Variants in REDIC1 observed in about 807,000 individuals in gnomAD.
REDIC1 encodes the protein HEI10 Interacting Protein 1.
chr12:39,731,158 A>C, the REDIC1 span, among the ~76,000 whole-genome samples: 1 of 152,128 alleles, frequency 6.6e-6, no homozygotes, highest in Non-Finnish European at 1.5e-5. Context: ...ACTTCTGTCA[A>C]TTCATCAAAC....
chr12:39,764,562 C>A, the REDIC1 span: 1 of 1,610,878 alleles, frequency 6.2e-7, no homozygotes. Flanking sequence ...GTACTTCTTG[C>A]CCAAAGGGGA....
the REDIC1 span, among the ~76,000 whole-genome samples, chr12:39,762,362 C>T: frequency 1.5e-5 from 2 of 133,836 alleles, no homozygotes; most frequent in Non-Finnish European, 3.3e-5. Flanking sequence ...CTTATTAGAG[C>T]CCTACATTAA....
chr12:39,717,522 G>T, the REDIC1 span, among the ~76,000 whole-genome samples: 9 of 151,958 alleles, frequency 5.9e-5, no homozygotes, highest in Non-Finnish European at 1.2e-4. Flanking sequence ...GAAGGGAGAG[G>T]CAGAGTTGGT....
At chr12:39,732,077 T>C in the REDIC1 span, among the ~76,000 whole-genome samples, 8 of 152,288 alleles carry the variant, frequency 5.3e-5, no homozygotes, top group Admixed American at 1.3e-4. Context: ...ACCACTTCCT[T>C]GCATATCTTT....
chr12:39,653,558 T>TTCTTCTTTCTTCTTCTTCTTCTTC, the REDIC1 span, among the ~76,000 whole-genome samples: 2 of 43,880 alleles, frequency 4.6e-5, no homozygotes, highest in East Asian at 5.0e-4. Context: ...CTTCTTCTTC[T>TTCTTCTTTCTTCTTCTTCTTCTTC]TTCTTCTTCT....
At chr12:39,789,671 T>G in the REDIC1 span, among the ~76,000 whole-genome samples, 1 of 152,156 alleles carries the variant, frequency 6.6e-6, no homozygotes, top group Non-Finnish European at 1.5e-5. Flanking sequence ...TCACTAGCAG[T>G]AGAAGACAGA....
At chr12:39,665,565 T>A in the REDIC1 span, among the ~76,000 whole-genome samples, 1 of 150,506 alleles carries the variant, frequency 6.6e-6, no homozygotes, top group African/African-American at 2.4e-5. Context: ...GGCTCTTTTT[T>A]GGTTCCATAT....
the REDIC1 span, among the ~76,000 whole-genome samples, chr12:39,762,183 C>G: frequency 6.6e-6 from 1 of 151,996 alleles, no homozygotes; most frequent in African/African-American, 2.4e-5. Flanking sequence ...GTGGGCAGAC[C>G]TGGGAGGCTG....
chr12:39,870,911 C>T, the REDIC1 span, among the ~76,000 whole-genome samples: 1 of 152,098 alleles, frequency 6.6e-6, no homozygotes, highest in African/African-American at 2.4e-5. Flanking sequence ...GTGACTGAAA[C>T]AGTTCTATTA....
the REDIC1 span, among the ~76,000 whole-genome samples, chr12:39,701,307 CTT>C: frequency 6.6e-6 from 1 of 152,078 alleles, no homozygotes; most frequent in African/African-American, 2.4e-5. Context: ...GTAAAACAGA[CTT>C]TAAATCAACA....
At chr12:39,711,909 G>T in the REDIC1 span, among the ~76,000 whole-genome samples, 2 of 110,850 alleles carry the variant, frequency 1.8e-5, 1 homozygote, top group Non-Finnish European at 3.8e-5. Flanking sequence ...GTATACACAT[G>T]TATATACACA....
chr12:39,642,882 A>T, the REDIC1 span, among the ~76,000 whole-genome samples: 1 of 151,812 alleles, frequency 6.6e-6, no homozygotes, highest in Non-Finnish European at 1.5e-5. Context: ...TTACAAACTT[A>T]AAAGTTATAA....
the REDIC1 span, among the ~76,000 whole-genome samples, chr12:39,653,554 C>T: frequency 5.1e-3 from 446 of 87,716 alleles, 42 homozygotes; most frequent in African/African-American, 6.0e-3. Flanking sequence ...TCTTCTTCTT[C>T]TTCTTTCTTC....
chr12:39,751,037 G>A, the REDIC1 span, among the ~76,000 whole-genome samples: 47 of 152,214 alleles, frequency 3.1e-4, no homozygotes, highest in African/African-American at 1.1e-3. Context: ...AAAAGCAATG[G>A]CAACAAAAGC....
chr12:39,699,733 C>G, the REDIC1 span, among the ~76,000 whole-genome samples: 2 of 152,208 alleles, frequency 1.3e-5, no homozygotes, highest in African/African-American at 4.8e-5. Flanking sequence ...TCCCAGCACG[C>G]AGCTAGAGAT....
At chr12:39,829,951 G>T in the REDIC1 span, 1 of 961,368 alleles carries the variant, frequency 1.0e-6, no homozygotes, top group Non-Finnish European at 1.6e-6. Flanking sequence ...GCAATGCTTT[G>T]CATCCACTAT....
the REDIC1 span, among the ~76,000 whole-genome samples, chr12:39,812,388 T>TTTCTTTTCTTTCTC: frequency 8.0e-6 from 1 of 124,822 alleles, no homozygotes; most frequent in Non-Finnish European, 1.9e-5. Flanking sequence ...TTTTCTTTCT[T>TTTCTTTTCTTTCTC]TCTCTCTCTC....
the REDIC1 span, among the ~76,000 whole-genome samples, chr12:39,644,530 T>C: frequency 1.3e-5 from 2 of 151,968 alleles, no homozygotes; most frequent in South Asian, 2.1e-4. Context: ...AATGAGAGCA[T>C]AAAAATAAGA....
chr12:39,655,212 T>C, the REDIC1 span, among the ~76,000 whole-genome samples: 1 of 152,164 alleles, frequency 6.6e-6, no homozygotes, highest in Admixed American at 6.5e-5. Context: ...TTTTCTATTT[T>C]CCATTTTTTA....
Sources: gnomAD v4.1 joint callset for allele counts (sites outside exome capture counted in the v4.1 genomes callset) on GRCh38, gnomAD v4.1.1 for gene constraint, MANE v1.5 for transcripts, NCBI Gene and HGNC (gene_info 2026-07-23, HGNC 2026-07-21) for gene names.